CNTNAP2: variants seen among roughly 807,000 people sequenced by gnomAD.
CNTNAP2 encodes the protein contactin associated protein 2, also known as contactin-associated protein-like 2.
Under a neutral mutation model 155.2 loss-of-function variants are expected in CNTNAP2, and 98 were observed. The observed-to-expected ratio is 0.63, with a 90% CI of 0.54 to 0.75. CNTNAP2 has a LOEUF of 0.75. Ranked by LOEUF, CNTNAP2 falls within the 30% of genes least tolerant of loss-of-function variation. The pLI, the probability that CNTNAP2 is intolerant of heterozygous loss-of-function variation, is 0.00. For synonymous variants in CNTNAP2, 651 were observed against 631.2 expected, an observed-to-expected ratio of 1.03 and a Z score of -0.47; for missense variants, 1,727 against 1,688.1, an observed-to-expected ratio of 1.02 and a Z score of -0.40.
intron 13 of CNTNAP2, among the ~76,000 whole-genome samples, chr7:147,856,364 C>G (rs556404335): frequency 6.6e-6 from 1 of 152,284 alleles, no homozygotes; most frequent in East Asian, 1.9e-4. Flanking sequence ...GGCACTTTTC[C>G]TATCTCACTA....
chr7:146,612,181 G>A (rs1369314447), intron 1 of CNTNAP2, among the ~76,000 whole-genome samples: 3 of 152,038 alleles, frequency 2.0e-5, no homozygotes, highest in East Asian at 3.9e-4. Flanking sequence ...TAGTAGATAC[G>A]ACAAACATTT....
intron 3 of CNTNAP2, among the ~76,000 whole-genome samples, chr7:147,007,387 GCTAT>G (rs1333234735): frequency 9.2e-5 from 14 of 151,938 alleles, no homozygotes; most frequent in African/African-American, 2.9e-4. Context: ...TTTCTTTCCT[GCTAT>G]CTGTCTGTCT....
At chr7:147,083,795 A>G (rs1228204735) in intron 4 of CNTNAP2, among the ~76,000 whole-genome samples, 1 of 138,776 alleles carries the variant, frequency 7.2e-6, no homozygotes, top group Non-Finnish European at 1.5e-5. Context: ...TTATATATAC[A>G]TATACACATG....
At chr7:147,157,114 A>G (rs755790174) in intron 8 of CNTNAP2, among the ~76,000 whole-genome samples, 3 of 152,048 alleles carry the variant, frequency 2.0e-5, no homozygotes, top group Non-Finnish European at 4.4e-5. Flanking sequence ...AGCAGGAGTG[A>G]CCTTCAGTTG....
chr7:147,291,840 A>G (rs1000290584), intron 8 of CNTNAP2, among the ~76,000 whole-genome samples: 3 of 152,244 alleles, frequency 2.0e-5, no homozygotes, highest in Non-Finnish European at 2.9e-5. Context: ...ATTATATATC[A>G]TGGTTTTGGT....
chr7:146,970,337 C>T, intron 3 of CNTNAP2, among the ~76,000 whole-genome samples: 1 of 151,702 alleles, frequency 6.6e-6, no homozygotes, highest in East Asian at 1.9e-4. Context: ...TATCCAGAAT[C>T]TACAATGAAC....
chr7:148,395,549 T>A (rs1295312195), intron 22 of CNTNAP2, among the ~76,000 whole-genome samples: 1 of 152,190 alleles, frequency 6.6e-6, no homozygotes, highest in African/African-American at 2.4e-5. Flanking sequence ...CTTGGCAGGC[T>A]TGTGTTTTGA....
intron 21 of CNTNAP2, among the ~76,000 whole-genome samples, chr7:148,298,592 C>T (rs1563031207): frequency 6.6e-6 from 1 of 152,176 alleles, no homozygotes; most frequent in Non-Finnish European, 1.5e-5. Context: ...CCCTCACAGA[C>T]ACACCCAGGA....
At chr7:146,922,437 G>A (rs1299980502) in intron 3 of CNTNAP2, among the ~76,000 whole-genome samples, 2 of 152,184 alleles carry the variant, frequency 1.3e-5, no homozygotes, top group African/African-American at 4.8e-5. Context: ...GAACGTAGTG[G>A]TGAGGCAAGT....
chr7:146,208,771 AT>A (rs1798990024), intron 1 of CNTNAP2: 1 of 152,126 alleles, frequency 6.6e-6, no homozygotes, highest in South Asian at 2.1e-4. Flanking sequence ...GCAGCTTGTC[AT>A]TGCCCTTGCT....
At chr7:147,043,184 T>C (rs1799291577) in intron 3 of CNTNAP2, among the ~76,000 whole-genome samples, 1 of 152,096 alleles carries the variant, frequency 6.6e-6, no homozygotes, top group African/African-American at 2.4e-5. Context: ...ACTTATGAAA[T>C]AGATAGTTTG....
At chr7:147,012,929 ATG>A (rs1465827618) in intron 3 of CNTNAP2, among the ~76,000 whole-genome samples, 3 of 152,128 alleles carry the variant, frequency 2.0e-5, no homozygotes, top group African/African-American at 4.8e-5. Context: ...ATGTGGAAAA[ATG>A]TGTTTAAAAT....
At chr7:148,231,226 G>A (rs943525176) in intron 20 of CNTNAP2, among the ~76,000 whole-genome samples, 3 of 152,126 alleles carry the variant, frequency 2.0e-5, no homozygotes, top group Non-Finnish European at 4.4e-5. Context: ...AAGGGGAGAG[G>A]AGTGGATGAT....
intron 1 of CNTNAP2, among the ~76,000 whole-genome samples, chr7:146,441,211 G>A (rs1028721621): frequency 1.3e-5 from 2 of 151,592 alleles, no homozygotes; most frequent in Non-Finnish European, 2.9e-5. Context: ...TGACTGTCAG[G>A]TCAAAAATTC....
chr7:147,548,749 T>G (rs952239358), intron 11 of CNTNAP2, among the ~76,000 whole-genome samples: 3 of 152,208 alleles, frequency 2.0e-5, no homozygotes, highest in Admixed American at 2.0e-4. Context: ...GGTTTTAAAT[T>G]TAAGTCTTTA....
intron 2 of CNTNAP2, among the ~76,000 whole-genome samples, chr7:146,777,923 C>T (rs1477086372): frequency 1.3e-5 from 2 of 151,264 alleles, no homozygotes; most frequent in East Asian, 3.9e-4. Flanking sequence ...TTAAGTATAG[C>T]ATGATGTTAT....
chr7:148,135,571 G>A lies in CNTNAP2; in HGVS notation c.2555-11920G>A, dbSNP rs545648981. On this transcript the variant is annotated intron_variant, in intron 16 of 23. Coordinates refer to ENST00000361727, the MANE Select transcript of CNTNAP2 (RefSeq NM_014141.6). ...AAATGATGAAAGTGGAAGACAGGCCGGGTGCGGTGGCTCATGCCTGTAATC... is the reference window on the plus strand; with the variant it reads ...AAATGATGAAAGTGGAAGACAGGCCAGGTGCGGTGGCTCATGCCTGTAATC... 1.4e-4 allele frequency among the ~76,000 whole-genome samples: 21 copies of A among 152,072 alleles called. 2 individuals are homozygous for A. The South Asian group carries it at 3.7e-3, about 27-fold the overall frequency.
intron 8 of CNTNAP2, among the ~76,000 whole-genome samples, chr7:147,178,687 A>G (rs1485020232): frequency 6.6e-6 from 1 of 152,196 alleles, no homozygotes; most frequent in Non-Finnish European, 1.5e-5. Flanking sequence ...TCTCTGAAAC[A>G]TGGAGGAGAA....
intron 1 of CNTNAP2, among the ~76,000 whole-genome samples, chr7:146,748,714 C>G (rs1338997658): frequency 6.6e-6 from 1 of 152,092 alleles, no homozygotes; most frequent in Non-Finnish European, 1.5e-5. Context: ...AGCTTTTCAA[C>G]AAGGAGTTCT....
Sources: gnomAD v4.1 joint callset for allele counts (sites outside exome capture counted in the v4.1 genomes callset) on GRCh38, gnomAD v4.1.1 for gene constraint, MANE v1.5 for transcripts, NCBI Gene and HGNC (gene_info 2026-07-23, HGNC 2026-07-21) for gene names.